The following DDRGK1 variants were observed in gnomAD, a reference collection of about 807,000 sequenced individuals.
The protein encoded by DDRGK1 is DDRGK domain-containing protein 1.
DDRGK1 carries 38 observed loss-of-function variants against 45.8 expected under a neutral mutation model. The observed-to-expected ratio is 0.83, with a 90% CI of 0.64 to 1.09. The LOEUF is 1.09. Ranked by LOEUF, DDRGK1 falls within the 50% of genes least tolerant of loss-of-function variation. The pLI is 0.00. For missense variants in DDRGK1, 403 were observed against 419.9 expected (o/e 0.96, Z 0.35); for synonymous variants, 171 against 168.7 (o/e 1.01, Z -0.11).
At chr20:3,199,880 A>T in intron 4 of DDRGK1, 121 bp downstream of exon 4, 1 of 866,746 alleles carries the variant, frequency 1.2e-6, no homozygotes, top group East Asian at 2.9e-5. Flanking sequence ...ATAAACCAGG[A>T]CCTGCCCTTG....
intron 4 of DDRGK1, 120 bp downstream of exon 4, chr20:3,199,881 C>A: frequency 1.1e-6 from 1 of 883,462 alleles, no homozygotes; most frequent in Non-Finnish European, 1.7e-6. Flanking sequence ...TAAACCAGGA[C>A]CTGCCCTTGT....
chr20:3,203,536 G>T, intron 1 of DDRGK1, 120 bp from the exon 2 acceptor site: 1 of 1,323,388 alleles, frequency 7.6e-7, no homozygotes, highest in South Asian at 1.7e-5. Context: ...ACAGCACAAG[G>T]CCCCGACTTC....
At chr20:3,193,852 G>T (rs374489693) in intron 6 of DDRGK1, among the ~76,000 whole-genome samples, 1 of 152,154 alleles carries the variant, frequency 6.6e-6, no homozygotes, top group Non-Finnish European at 1.5e-5. Context: ...TTCCTGGGGA[G>T]GGGCTTCAGG....
intron 2 of DDRGK1, among the ~76,000 whole-genome samples, chr20:3,200,886 G>A (rs187700814): frequency 8.5e-5 from 13 of 152,152 alleles, no homozygotes; most frequent in East Asian, 1.9e-4. Context: ...AAAGGTGGGC[G>A]GATCACGAGG....
At chr20:3,199,047 C>T (rs547904604) in intron 4 of DDRGK1, among the ~76,000 whole-genome samples, 1 of 149,294 alleles carries the variant, frequency 6.7e-6, no homozygotes, top group Non-Finnish European at 1.5e-5. Flanking sequence ...CTCGCAGGGA[C>T]GGGGAACTGA....
intron 4 of DDRGK1, among the ~76,000 whole-genome samples, chr20:3,197,284 A>C (rs908231742): frequency 4.0e-5 from 6 of 151,826 alleles, no homozygotes; most frequent in South Asian, 2.1e-4. Flanking sequence ...AAGGAGAGAC[A>C]TATCTCCTGT....
intron 5 of DDRGK1, 47 bp from the exon 6 acceptor site, chr20:3,194,915 AG>A (rs2067003484): frequency 6.2e-7 from 1 of 1,606,164 alleles, no homozygotes; most frequent in Non-Finnish European, 8.5e-7. Flanking sequence ...GCAAGCCCAC[AG>A]GGTTCTGTAC....
rs1342545643 is a variant in DDRGK1, at chr20:3,204,417, C to T, written c.91+120G>A. The T allele has an allele frequency of 1.6e-5, 16 of 1,000,778 alleles. No individual in the cohort carries two copies. In the East Asian group the frequency reaches 3.1e-4, roughly 20 times the overall value. The allele number at this position is 1,000,778 out of a possible 1,614,324, so 62.0% of individuals were successfully genotyped here. On this transcript the variant is annotated intron_variant, in intron 1 of 8. Transcript: ENST00000354488. ...ACCCGGCACACGACTAGCGCACGGACGCGCATGCGTCCCGCCCGCCCAGGT... is the reference window on the plus strand; with the variant it reads ...ACCCGGCACACGACTAGCGCACGGATGCGCATGCGTCCCGCCCGCCCAGGT...
intron 4 of DDRGK1, among the ~76,000 whole-genome samples, chr20:3,196,729 C>T (rs896619768): frequency 6.6e-6 from 1 of 151,974 alleles, no homozygotes; most frequent in African/African-American, 2.4e-5. Context: ...AAGTAATATA[C>T]AAGATGAGTC....
At position 3,190,477 on chromosome 20, in the gene DDRGK1, G is replaced by T; in HGVS notation, c.*176C>A. ...AGCCTAAATTTCACCTGCTTATCTA[G>T]GATCCTAGGCCAGGCCTTCTGCCAC... On this transcript the variant is annotated 3_prime_UTR_variant, in exon 9 of 9. Transcript: ENST00000354488. The T allele has an allele frequency of 1.3e-6, 1 of 759,540 alleles. No homozygotes were observed. Among genetic ancestry groups the T allele is most frequent in the Non-Finnish European group, 2.1e-6 (1 of 478,638 alleles). The allele number at this position is 759,540 out of a possible 1,614,324, so 47.1% of individuals were successfully genotyped here.
At position 3,191,070 on chromosome 20, in the gene DDRGK1, C is replaced by T. The variant is rs1225029166; in HGVS notation, c.778+120G>A. ...TGCATCCAGCTACTCAGTGCCCCTCCTTGCACACCCCTCCCCCCATCTTGG... is the reference window on the plus strand; with the variant it reads ...TGCATCCAGCTACTCAGTGCCCCTCTTTGCACACCCCTCCCCCCATCTTGG... On this transcript the variant is annotated intron_variant, in intron 8 of 8. Transcript: ENST00000354488. 1.2e-5 allele frequency: 16 copies of T among 1,369,902 alleles called. No individual in the cohort carries two copies. In the Admixed American group the frequency reaches 2.9e-4, roughly 25 times the overall value. The allele number at this position is 1,369,902 out of a possible 1,614,324, so 84.9% of individuals were successfully genotyped here. A position where few individuals can be genotyped will look rare whatever the true frequency, so the allele number is the denominator to read the frequency against.
intron 7 of DDRGK1, 163 bp downstream of exon 7, chr20:3,191,602 A>G: frequency 1.1e-6 from 1 of 875,850 alleles, no homozygotes; most frequent in Non-Finnish European, 1.9e-6. Flanking sequence ...GTCCATTAAA[A>G]ATGCAGGATT....
intron 2 of DDRGK1, 42 bp downstream of exon 2, chr20:3,203,171 T>C (rs751659557): frequency 1.4e-6 from 2 of 1,477,980 alleles, no homozygotes; most frequent in Non-Finnish European, 1.8e-6. Context: ...TATCCCCCCC[T>C]CCAACCCAAA....
At chr20:3,191,639 A>G in intron 7 of DDRGK1, 126 bp downstream of exon 7, 2 of 1,094,442 alleles carry the variant, frequency 1.8e-6, no homozygotes, top group Non-Finnish European at 1.4e-6. Context: ...ACTTCTGTGC[A>G]CTACTCACTC....
chr20:3,199,065 G>C (rs905655859), intron 4 of DDRGK1, among the ~76,000 whole-genome samples: 1 of 151,936 alleles, frequency 6.6e-6, no homozygotes, highest in African/African-American at 2.4e-5. Context: ...TGAAGTGGGA[G>C]GATTGCTTGA....
rs749692861 is a variant in DDRGK1, at chr20:3,200,441, T to C, written c.309A>G (p.Glu103=). Residue 103 remains glutamate (E), a synonymous_variant, in exon 3 of 9, where the codon GAA becomes GAG. Coordinates refer to ENST00000354488, the MANE Select transcript of DDRGK1 (RefSeq NM_023935.3). ...GAGTTTCCGCTGGCTTCTCGACACC[T>C]TCCTCCTCCTGGGCTGGGTATGGTC... ...EEAVILAQEE[E]GVEKPAETHL... 5.7e-6 allele frequency: 9 copies of C among 1,574,258 alleles called. No homozygotes were observed. Among genetic ancestry groups the C allele is most frequent in the African/African-American group, 1.3e-5 (1 of 74,136 alleles).
At chr20:3,204,393 C>T (rs762829775) in intron 1 of DDRGK1, 144 bp downstream of exon 1, 40 of 801,022 alleles carry the variant, frequency 5.0e-5, no homozygotes, top group Non-Finnish European at 6.8e-5. Context: ...GGAAGCCCCA[C>T]CCGGCACACG....
chr20:3,192,837 T>C (rs1362980962), intron 6 of DDRGK1, among the ~76,000 whole-genome samples: 2 of 152,116 alleles, frequency 1.3e-5, no homozygotes, highest in African/African-American at 4.8e-5. Context: ...TGACTGCAGA[T>C]AGCATGTGAC....
chr20:3,200,571 T>C (rs2067032643), intron 2 of DDRGK1, 117 bp from the exon 3 acceptor site: 1 of 849,762 alleles, frequency 1.2e-6, no homozygotes, highest in African/African-American at 1.7e-5. Flanking sequence ...CACCTGCAAA[T>C]GTCACTAGCC....
Sources: allele counts gnomAD v4.1 joint callset (sites outside exome capture counted in the v4.1 genomes callset), GRCh38; gene constraint gnomAD v4.1.1; transcripts MANE v1.5; gene names NCBI Gene and HGNC (gene_info 2026-07-23, HGNC 2026-07-21).